Variants in SLX4IP observed in about 807,000 individuals in gnomAD.
The protein encoded by SLX4IP is protein SLX4IP.
SLX4IP carries 34 observed loss-of-function variants against 32.9 expected under a neutral mutation model. The ratio of observed to expected loss-of-function variants is 1.03; its 90% CI spans 0.79 to 1.38. SLX4IP has a LOEUF of 1.38. Among genes scored for constraint, SLX4IP ranks in the 40% most tolerant of loss-of-function variants. The pLI is 0.00. For synonymous variants in SLX4IP, 172 were observed against 171.7 expected, an observed-to-expected ratio of 1.00 and a Z score of -0.01; for missense variants, 444 against 479.0, an observed-to-expected ratio of 0.93 and a Z score of 0.68.
intron 2 of SLX4IP, among the ~76,000 whole-genome samples, chr20:10,532,907 C>G (rs2066002404): frequency 1.3e-5 from 2 of 151,942 alleles, no homozygotes; most frequent in South Asian, 4.2e-4. Flanking sequence ...TCCCAAGTAA[C>G]TGAGATTACA....
At chr20:10,453,730 C>T (rs965495863) in intron 1 of SLX4IP, among the ~76,000 whole-genome samples, 9 of 125,700 alleles carry the variant, frequency 7.2e-5, no homozygotes, top group South Asian at 2.5e-4. Flanking sequence ...TACCCCCCAA[C>T]GCACTTAAAA....
chr20:10,463,996 A>G (rs932449292), intron 2 of SLX4IP, among the ~76,000 whole-genome samples: 1 of 152,194 alleles, frequency 6.6e-6, no homozygotes, highest in Non-Finnish European at 1.5e-5. Context: ...TATAAGGATT[A>G]AGTCTTCATT....
chr20:10,534,885 G>A (rs944565232), intron 2 of SLX4IP, among the ~76,000 whole-genome samples: 1 of 152,198 alleles, frequency 6.6e-6, no homozygotes, highest in Non-Finnish European at 1.5e-5. Flanking sequence ...AGAGCAGAAG[G>A]GGGAGCTATT....
intron 2 of SLX4IP, among the ~76,000 whole-genome samples, chr20:10,535,986 A>G (rs565102357): frequency 1.0e-4 from 12 of 115,142 alleles, no homozygotes; most frequent in Admixed American, 4.8e-4. Flanking sequence ...GCCTGGAAAC[A>G]CTAGTGAGGG....
At chr20:10,488,515 T>G (rs561006396) in intron 2 of SLX4IP, among the ~76,000 whole-genome samples, 5 of 152,284 alleles carry the variant, frequency 3.3e-5, no homozygotes, top group African/African-American at 1.2e-4. Context: ...AGAATCTGTC[T>G]TTTGGTACTT....
chr20:10,616,858 C>T (rs2067040473), intron 6 of SLX4IP, among the ~76,000 whole-genome samples: 1 of 152,172 alleles, frequency 6.6e-6, no homozygotes, highest in Admixed American at 6.5e-5. Context: ...GTTGTCTTCT[C>T]CATTGAGATA....
At chr20:10,619,292 AT>A (rs1306964174) in intron 6 of SLX4IP, among the ~76,000 whole-genome samples, 3 of 112,692 alleles carry the variant, frequency 2.7e-5, no homozygotes, top group African/African-American at 1.1e-4. Context: ...TGTCACTCTT[AT>A]CACCTTTTCT....
At chr20:10,449,963 A>AC (rs548144476) in intron 1 of SLX4IP, among the ~76,000 whole-genome samples, 14 of 151,306 alleles carry the variant, frequency 9.3e-5, no homozygotes, top group African/African-American at 1.7e-4. Context: ...AAAAAAAAAA[A>AC]CCCACAAAAA....
chr20:10,521,004 T>C (rs1489288352), intron 2 of SLX4IP, among the ~76,000 whole-genome samples: 1 of 152,230 alleles, frequency 6.6e-6, no homozygotes, highest in African/African-American at 2.4e-5. Context: ...ACAGTATATT[T>C]AATTTTGACA....
chr20:10,549,980 C>T (rs182995954), intron 2 of SLX4IP, among the ~76,000 whole-genome samples: 1 of 152,288 alleles, frequency 6.6e-6, no homozygotes, highest in Admixed American at 6.5e-5. Flanking sequence ...ATTCACACTC[C>T]AGGAAGAAAA....
intron 4 of SLX4IP, among the ~76,000 whole-genome samples, chr20:10,566,283 A>ATTTT (rs59907123): frequency 3.1e-5 from 3 of 97,858 alleles, no homozygotes; most frequent in South Asian, 3.1e-4. Flanking sequence ...AACTGATTAC[A>ATTTT]TTTTTTTTTT....
intron 2 of SLX4IP, among the ~76,000 whole-genome samples, chr20:10,494,873 A>G (rs1234330641): frequency 6.6e-6 from 1 of 152,116 alleles, no homozygotes; most frequent in Non-Finnish European, 1.5e-5. Context: ...GATGGCCATC[A>G]AGGGGTACAA....
chr20:10,456,109 T>C (rs1037579198), intron 1 of SLX4IP, among the ~76,000 whole-genome samples: 2 of 152,198 alleles, frequency 1.3e-5, no homozygotes, highest in Non-Finnish European at 2.9e-5. Flanking sequence ...TAAAAATATG[T>C]AAAATTCAGG....
chr20:10,440,316 A>G (rs1007374896), intron 1 of SLX4IP, among the ~76,000 whole-genome samples: 3 of 151,890 alleles, frequency 2.0e-5, no homozygotes, highest in Non-Finnish European at 4.4e-5. Context: ...TTAGCTGGGC[A>G]TGGTGGTGCA....
intron 6 of SLX4IP, among the ~76,000 whole-genome samples, chr20:10,604,692 C>T (rs1282184159): frequency 6.6e-6 from 1 of 152,270 alleles, no homozygotes; most frequent in Non-Finnish European, 1.5e-5. Context: ...TTCTCTTGTC[C>T]ACTCAGGGAC....
intron 6 of SLX4IP, among the ~76,000 whole-genome samples, chr20:10,620,647 G>A (rs565384689): frequency 1.3e-5 from 2 of 152,080 alleles, no homozygotes; most frequent in Admixed American, 6.5e-5. Context: ...TCCGCCTCCC[G>A]GGTTCACGCC....
chr20:10,440,880 A>C (rs2065155194), intron 1 of SLX4IP, among the ~76,000 whole-genome samples: 1 of 152,180 alleles, frequency 6.6e-6, no homozygotes, highest in Non-Finnish European at 1.5e-5. Context: ...TCCGTTTAAG[A>C]CACTGAGCAT....
At chr20:10,557,169 A>G (rs2066275538) in intron 3 of SLX4IP, among the ~76,000 whole-genome samples, 2 of 152,230 alleles carry the variant, frequency 1.3e-5, no homozygotes, top group South Asian at 4.1e-4. Flanking sequence ...AAAATATAGT[A>G]TATGGCGAAG....
chr20:10,533,820 A>G (rs1267506700), intron 2 of SLX4IP, among the ~76,000 whole-genome samples: 4 of 151,460 alleles, frequency 2.6e-5, no homozygotes, highest in African/African-American at 9.7e-5. Flanking sequence ...GGGCTTTGTC[A>G]TGTTACCCAG....
Sources: allele counts gnomAD v4.1 joint callset (sites outside exome capture counted in the v4.1 genomes callset), GRCh38; gene constraint gnomAD v4.1.1; transcripts MANE v1.5; gene names NCBI Gene and HGNC (gene_info 2026-07-23, HGNC 2026-07-21).